Variants in PCDH11X observed in about 807,000 individuals in gnomAD.
PCDH11X encodes protocadherin 11 X-linked.
PCDH11X carries 18 observed loss-of-function variants against 53.3 expected under a neutral mutation model. The ratio of observed to expected loss-of-function variants is 0.34; its 90% CI spans 0.23 to 0.50. The LOEUF is 0.50. PCDH11X is among the 20% of genes least tolerant of loss of function. PCDH11X has a pLI of 0.98. For synonymous variants in PCDH11X, 279 were observed against 393.3 expected (o/e 0.71, Z 3.44); for missense variants, 570 against 1,032.4 (o/e 0.55, Z 6.14).
intron 1 of PCDH11X, among the ~76,000 whole-genome samples, chrX:91,788,153 T>G (rs1334217608): frequency 8.9e-6 from 1 of 111,769 alleles, no homozygotes; most frequent in East Asian, 2.8e-4. Context: ...ATGTAGGGCT[T>G]TTTAATTACC....
At chrX:92,286,751 G>GA (rs1490409683) in intron 8 of PCDH11X, among the ~76,000 whole-genome samples, 1 of 87,151 alleles carries the variant, frequency 1.1e-5, no homozygotes, top group Non-Finnish European at 2.2e-5. Context: ...AGCTACAACT[G>GA]AAAATCTGGA....
At position 92,094,555 on chromosome X, in the gene PCDH11X, G is replaced by A. The variant is rs189646978; in HGVS notation, c.3034-106820G>A. On this transcript the variant is annotated intron_variant, in intron 6 of 10. Coordinates refer to ENST00000682573, the MANE Select transcript of PCDH11X (RefSeq NM_032968.5). Reference sequence around the variant, plus strand: ...TCCTAAAGGAATACACAAAAAATCAGGGTGTAGAAAAATATCTTATTTCTC... The same window carrying A: ...TCCTAAAGGAATACACAAAAAATCAAGGTGTAGAAAAATATCTTATTTCTC... Among the ~76,000 whole-genome samples, 298 of 111,216 alleles carry A rather than the reference G, an allele frequency of 2.7e-3. 3 individuals carry two copies. The highest frequency in any genetic ancestry group is 9.4e-3 in the African/African-American group (287 of 30,672).
chrX:92,311,593 A>G (rs908106028), intron 8 of PCDH11X, among the ~76,000 whole-genome samples: 4 of 110,773 alleles, frequency 3.6e-5, no homozygotes, highest in African/African-American at 1.3e-4. Context: ...TTTGCTTGAG[A>G]AGCCACCACA....
intron 7 of PCDH11X, among the ~76,000 whole-genome samples, chrX:92,242,036 G>A (rs745333354): frequency 4.6e-5 from 5 of 109,164 alleles, no homozygotes; most frequent in African/African-American, 1.7e-4. Flanking sequence ...GGCAGAAGCT[G>A]CAGTGAGCTG....
At chrX:92,089,183 A>G (rs2064006423) in intron 6 of PCDH11X, among the ~76,000 whole-genome samples, 2 of 109,925 alleles carry the variant, frequency 1.8e-5, no homozygotes, top group Admixed American at 9.8e-5. Flanking sequence ...AAGTTGTGAT[A>G]TAACTATACA....
chrX:91,931,816 AT>A (rs1410092167), intron 6 of PCDH11X, among the ~76,000 whole-genome samples: 2 of 110,628 alleles, frequency 1.8e-5, no homozygotes, highest in African/African-American at 3.3e-5. Context: ...ACTTATATAT[AT>A]TTTTTCATCA....
At chrX:92,187,028 A>G (rs1361169977) in intron 6 of PCDH11X, among the ~76,000 whole-genome samples, 1 of 111,981 alleles carries the variant, frequency 8.9e-6, no homozygotes, top group Non-Finnish European at 1.9e-5. Context: ...TTTGAATTCA[A>G]TTTAGCTTTT....
intron 7 of PCDH11X, among the ~76,000 whole-genome samples, chrX:92,239,814 T>G (rs1426478747): frequency 8.9e-6 from 1 of 111,802 alleles, no homozygotes; most frequent in Non-Finnish European, 1.9e-5. Flanking sequence ...AAGATTGGGA[T>G]GTAGGATCCT....
Position 92,229,758 on chromosome X carries a change from C to A in PCDH11X, c.3114+28303C>A, listed in dbSNP as rs1317052494. 9.0e-5 allele frequency among the ~76,000 whole-genome samples: 10 copies of A among 111,143 alleles called. No individual in the cohort carries two copies. The Admixed American group carries it at 9.6e-4, about 11-fold the overall frequency. On this transcript the variant is annotated intron_variant, in intron 7 of 10. Transcript: ENST00000682573. ...ATATTTATTCTGGATAAAATGAAAT[C>A]AAAACACTGAAGGAATATTGAAAGT...
intron 6 of PCDH11X, among the ~76,000 whole-genome samples, chrX:92,016,813 C>A (rs2147991445): frequency 9.0e-6 from 1 of 111,354 alleles, no homozygotes; most frequent in African/African-American, 3.3e-5. Context: ...AAGAACTTTT[C>A]CTTTGCATTA....
chrX:92,388,162 T>A (rs1441742495), intron 9 of PCDH11X, among the ~76,000 whole-genome samples: 1 of 111,674 alleles, frequency 9.0e-6, no homozygotes, highest in East Asian at 2.8e-4. Flanking sequence ...AGCGACTTTG[T>A]TAAGGCATAG....
At chrX:91,986,881 A>G (rs1407344459) in intron 6 of PCDH11X, among the ~76,000 whole-genome samples, 3 of 110,962 alleles carry the variant, frequency 2.7e-5, no homozygotes, top group East Asian at 2.8e-4. Context: ...GAGCTCAGAC[A>G]TCTTTGGGGG....
At chrX:91,903,483 G>A (rs917212222) in intron 6 of PCDH11X, among the ~76,000 whole-genome samples, 3 of 111,186 alleles carry the variant, frequency 2.7e-5, no homozygotes, top group Middle Eastern at 9.2e-3. Context: ...CATAGTTTAC[G>A]CTTCAGAGAT....
intron 9 of PCDH11X, among the ~76,000 whole-genome samples, chrX:92,396,255 CAGG>C (rs746022322): frequency 1.4e-4 from 15 of 107,163 alleles, no homozygotes; most frequent in Admixed American, 3.1e-4. Context: ...ACAGAATCTC[CAGG>C]AGGAGAAACG....
chrX:92,568,238 G>A (rs191435032), intron 10 of PCDH11X, among the ~76,000 whole-genome samples: 7 of 109,747 alleles, frequency 6.4e-5, no homozygotes, highest in Admixed American at 2.9e-4. Context: ...TGACTAACAC[G>A]GTGAAACCTG....
chrX:92,418,958 A>C (rs1468269872), intron 9 of PCDH11X, among the ~76,000 whole-genome samples: 15 of 106,586 alleles, frequency 1.4e-4, no homozygotes, highest in Non-Finnish European at 2.7e-4. Flanking sequence ...TTTTCATTCA[A>C]CTGTGATTTC....
intron 6 of PCDH11X, among the ~76,000 whole-genome samples, chrX:92,187,727 G>C (rs2066123735): frequency 8.9e-6 from 1 of 111,893 alleles, no homozygotes; most frequent in South Asian, 3.7e-4. Flanking sequence ...ATTTGATTTA[G>C]AGCATTACCA....
chrX:92,490,804 AAGAG>A (rs1483336824), intron 10 of PCDH11X, among the ~76,000 whole-genome samples: 18 of 109,236 alleles, frequency 1.6e-4, no homozygotes, highest in East Asian at 5.7e-4. Flanking sequence ...AAGAGAAAGA[AAGAG>A]AGAGAGAGAA....
intron 6 of PCDH11X, among the ~76,000 whole-genome samples, chrX:91,913,183 CT>C (rs1173833253): frequency 9.0e-6 from 1 of 110,877 alleles, no homozygotes; most frequent in Admixed American, 9.6e-5. Context: ...GTGGTTTTGG[CT>C]GGGCACACAT....
Sources: allele counts gnomAD v4.1 joint callset (sites outside exome capture counted in the v4.1 genomes callset), GRCh38; gene constraint gnomAD v4.1.1; transcripts MANE v1.5; gene names NCBI Gene and HGNC (gene_info 2026-07-23, HGNC 2026-07-21).